The following LMBRD2 variants were observed in gnomAD, a reference collection of about 807,000 sequenced individuals.
The protein encoded by LMBRD2 is G protein-coupled receptor-associated protein LMBRD2.
Under a neutral mutation model 94.4 loss-of-function variants are expected in LMBRD2, and 55 were observed. That is an observed-to-expected ratio of 0.58 (90% CI 0.47 to 0.73). The LOEUF (loss-of-function observed/expected upper bound fraction) is 0.73, where lower values mean the gene tolerates loss of function less well. Ranked by LOEUF, LMBRD2 falls within the 30% of genes least tolerant of loss-of-function variation. The probability of loss-of-function intolerance (pLI) is 0.00; values close to 1 mark genes in which losing one functional copy is unlikely to be tolerated. For synonymous variants in LMBRD2, 246 were observed against 272.4 expected, an observed-to-expected ratio of 0.90 and a Z score of 0.95; for missense variants, 640 against 831.9, an observed-to-expected ratio of 0.77 and a Z score of 2.84.
chr5:36,137,854 C>T (rs1460948734), intron 4 of LMBRD2, among the ~76,000 whole-genome samples: 1 of 152,152 alleles, frequency 6.6e-6, no homozygotes, highest in East Asian at 1.9e-4. Context: ...ACCTAGGAGA[C>T]ATCCAAGAGG....
At chr5:36,104,140 A>G in intron 17 of LMBRD2, 34 bp from the exon 18 acceptor site, 3 of 1,510,888 alleles carry the variant, frequency 2.0e-6, no homozygotes, top group Non-Finnish European at 2.8e-6. Context: ...GATCTGAGGC[A>G]TCAAAAATAA....
At chr5:36,148,772 G>C (rs1744615865) in intron 1 of LMBRD2, among the ~76,000 whole-genome samples, 1 of 152,146 alleles carries the variant, frequency 6.6e-6, no homozygotes, top group Non-Finnish European at 1.5e-5. Flanking sequence ...ACAGAGCCTG[G>C]ATCATAATTA....
chr5:36,144,485 C>T (rs1744491164), intron 1 of LMBRD2, among the ~76,000 whole-genome samples: 1 of 152,084 alleles, frequency 6.6e-6, no homozygotes, highest in Non-Finnish European at 1.5e-5. Flanking sequence ...GAGTTCATGA[C>T]CAGCCTGGGC....
chr5:36,135,970 C>A (rs2111898962), intron 6 of LMBRD2, among the ~76,000 whole-genome samples: 1 of 152,302 alleles, frequency 6.6e-6, no homozygotes, highest in African/African-American at 2.4e-5. Context: ...ATTCTCAGTT[C>A]TACTATGTTA....
At chr5:36,111,066 T>C (rs1743592785) in intron 14 of LMBRD2, 89 bp downstream of exon 14, 1 of 807,576 alleles carries the variant, frequency 1.2e-6, no homozygotes, top group Non-Finnish European at 1.9e-6. Context: ...GATTAAAAAA[T>C]ATTCACAAAC....
At chr5:36,131,509 T>C (rs1247759745) in intron 6 of LMBRD2, among the ~76,000 whole-genome samples, 1 of 152,022 alleles carries the variant, frequency 6.6e-6, no homozygotes, top group Non-Finnish European at 1.5e-5. Flanking sequence ...GAGAAAGATA[T>C]AAAGGGCATC....
At chr5:36,123,615 A>G (rs1216116145) in intron 7 of LMBRD2, among the ~76,000 whole-genome samples, 1 of 151,838 alleles carries the variant, frequency 6.6e-6, no homozygotes, top group Non-Finnish European at 1.5e-5. Flanking sequence ...GGAACTGCAA[A>G]TAACCATTTT....
In LMBRD2 at chr5:36,151,184, A is replaced by G. The variant is rs188882661; in HGVS notation, c.-58+372T>C. 3.3e-5 allele frequency among the ~76,000 whole-genome samples: 5 copies of G among 152,240 alleles called. No individual in the cohort carries two copies. Among genetic ancestry groups the G allele is most frequent in the Middle Eastern group, 3.2e-3 (1 of 316 alleles). On this transcript the variant is annotated intron_variant, in intron 1 of 17. Coordinates refer to ENST00000296603, the MANE Select transcript of LMBRD2 (RefSeq NM_001007527.2). This position sits in a 1 kb window ranked among gnomAD's most constrained non-coding sequence, Gnocchi z 4.7. Reference sequence around the variant, plus strand: ...CGCTTTTAGGCGGCGACGCAAACACACGTAGCCAGCTGAGCGACAGCAAGC... The same window carrying G: ...CGCTTTTAGGCGGCGACGCAAACACGCGTAGCCAGCTGAGCGACAGCAAGC...
chr5:36,141,197 T>C lies in LMBRD2; in HGVS notation c.278A>G (p.His93Arg). 6.3e-7 allele frequency: 1 copy of C among 1,593,690 alleles called. No homozygotes were observed. The highest frequency in any genetic ancestry group is 8.6e-7 in the Non-Finnish European group (1 of 1,167,056). Residue 93 changes from histidine to arginine, a missense_variant, in exon 4 of 18, where the codon CAT becomes CGT. Physicochemically the swap from His to Arg is conservative, Grantham distance 29. Coordinates refer to ENST00000296603, the MANE Select transcript of LMBRD2 (RefSeq NM_001007527.2). ...YATANPVPSQHPCFKPWSYIP... is the reference protein window; with the variant it reads ...YATANPVPSQRPCFKPWSYIP... The stretch of plus-strand genomic sequence containing the variant: ...GTAACTCCATGGCTTGAAACAAGGA[T>C]GCTGGCTGTTGAATAAAAAGTTAAA...
Position 36,143,357 on chromosome 5 carries a change from TA to T in LMBRD2, c.-9del. The T allele has an allele frequency of 6.2e-7, 1 of 1,609,632 alleles. No individual in the cohort carries two copies. Among genetic ancestry groups the T allele is most frequent in the Non-Finnish European group, 8.5e-7 (1 of 1,177,564 alleles). The stretch of plus-strand genomic sequence containing the variant: ...CAAAGCTGCACCACTCATTATTGAA[TA>T]TTTCACTCTGACTAACCAAAGTTAT... On this transcript the variant is annotated 5_prime_UTR_variant, in exon 2 of 18. Transcript: ENST00000296603.
intron 9 of LMBRD2, 148 bp from the exon 10 acceptor site, chr5:36,118,064 T>C: frequency 1.6e-6 from 1 of 616,874 alleles, no homozygotes; most frequent in Non-Finnish European, 2.8e-6. Flanking sequence ...GATACGAACC[T>C]AACCAAATGA....
Position 36,142,486 on chromosome 5 carries a change from T to TA in LMBRD2, c.272+15_272+16insT. The TA allele has an allele frequency of 6.9e-7, 1 of 1,454,832 alleles. No homozygotes were observed. The highest frequency in any genetic ancestry group is 9.6e-7 in the Non-Finnish European group (1 of 1,037,988). The allele number at this position is 1,454,832 out of a possible 1,614,324, so 90.1% of individuals were successfully genotyped here. On this transcript the variant is annotated intron_variant, in intron 3 of 17. Transcript: ENST00000296603. Reference sequence around the variant, plus strand: ...CCCCTACAATGTTTATATATTTTTTTTAAAAAAGGAAATACCTTGGAACAG... The same window carrying TA: ...CCCCTACAATGTTTATATATTTTTTTATAAAAAAGGAAATACCTTGGAACAG...
In LMBRD2 at chr5:36,143,205, C is replaced by T. The variant is rs1744459273; in HGVS notation, c.145G>A (p.Val49Ile). The change falls in exon 2 of 18, where the codon GTC (valine) becomes ATC (isoleucine). Residue 49 changes from valine to isoleucine, a missense_variant. Physicochemically the swap from Val to Ile is conservative, Grantham distance 29. Around this residue, in one of 2 missense-constraint regions of LMBRD2, gnomAD observed 457 missense variants for 642.8 expected, o/e 0.71. Coordinates refer to ENST00000296603, the MANE Select transcript of LMBRD2 (RefSeq NM_001007527.2). ...CTAACATCCAGAGGCAGTATGAAGA[C>T]AATAAGAAAGCAGAGATACCAAGCA... is the stretch of plus-strand genomic sequence containing the variant. ...LLAWYLCFLI[V>I]FILPLDVSTT... is the part of the protein sequence containing the mutation. 2 of 1,612,052 alleles carry T rather than the reference C, an allele frequency of 1.2e-6. No homozygotes were observed. The highest frequency in any genetic ancestry group is 1.7e-6 in the Non-Finnish European group (2 of 1,178,946).
intron 17 of LMBRD2, 94 bp downstream of exon 17, chr5:36,104,968 TACTTTC>T: frequency 8.8e-7 from 1 of 1,132,142 alleles, no homozygotes; most frequent in South Asian, 1.7e-5. Context: ...ATCACTTGTT[TACTTTC>T]ACCTTTACTT....
intron 13 of LMBRD2, among the ~76,000 whole-genome samples, chr5:36,113,404 C>T (rs1357125768): frequency 1.3e-5 from 2 of 152,030 alleles, no homozygotes. Context: ...CATGTGAGTC[C>T]GCTGATGCTC....
chr5:36,109,886 T>C (rs1019322209), intron 15 of LMBRD2, 59 bp downstream of exon 15: 2 of 1,254,706 alleles, frequency 1.6e-6, no homozygotes, highest in African/African-American at 3.0e-5. Context: ...TTAGTAAGAT[T>C]CTTAAGAAAT....
chr5:36,137,389 T>A lies in LMBRD2; in HGVS notation c.421A>T (p.Thr141Ser). 6.2e-7 allele frequency: 1 copy of A among 1,602,174 alleles called. No individual in the cohort carries two copies. The highest frequency in any genetic ancestry group is 1.7e-5 in the Admixed American group (1 of 59,912). The stretch of plus-strand genomic sequence containing the variant: ...ATTAGTGCAGTTTTGATCTTTCCAG[T>A]GATGGAAAACCCTCCTGATCTTGCA... ...SYARSGGFSI[T>S]GKIKTALIEN... Residue 141 changes from threonine (T) to serine (S), a missense_variant, in exon 5 of 18, where the codon ACT (threonine) becomes TCT (serine). Coordinates refer to ENST00000296603, the MANE Select transcript of LMBRD2 (RefSeq NM_001007527.2).
chr5:36,117,044 CA>C (rs992387099), intron 10 of LMBRD2, among the ~76,000 whole-genome samples: 1 of 151,906 alleles, frequency 6.6e-6, no homozygotes, highest in African/African-American at 2.4e-5. Flanking sequence ...ATTTTTTAAT[CA>C]CCCACTAAGA....
Position 36,114,081 on chromosome 5 carries a change from G to A in LMBRD2, c.1640+343C>T, listed in dbSNP as rs535946253. ...AATTTATGTCATTAGAAAAAAGCTGGACATAAGGGTGTTTTGCAGGCTACG... is the reference window on the plus strand; with the variant it reads ...AATTTATGTCATTAGAAAAAAGCTGAACATAAGGGTGTTTTGCAGGCTACG... On this transcript the variant is annotated intron_variant, in intron 13 of 17. Transcript: ENST00000296603. 2.6e-3 allele frequency among the ~76,000 whole-genome samples: 395 copies of A among 152,188 alleles called. 3 individuals are homozygous for A. In the South Asian group the frequency reaches 0.027, roughly 10 times the overall value.
Sources: allele counts gnomAD v4.1 joint callset (sites outside exome capture counted in the v4.1 genomes callset), GRCh38; gene constraint gnomAD v4.1.1; regional missense constraint gnomAD v4.1.1; non-coding constraint Gnocchi (gnomAD v3.1); transcripts MANE v1.5; gene names NCBI Gene and HGNC (gene_info 2026-07-23, HGNC 2026-07-21).